CAB39: variants seen among roughly 807,000 people sequenced by gnomAD.
CAB39 encodes the protein calcium binding protein 39.
In CAB39, 8 loss-of-function variants were observed where a neutral mutation model predicts 40.0. The ratio of observed to expected loss-of-function variants is 0.20; its 90% CI spans 0.12 to 0.36. The LOEUF (loss-of-function observed/expected upper bound fraction) is 0.36. Among genes scored for constraint, CAB39 ranks in the 10% least tolerant of loss-of-function variants. The probability of loss-of-function intolerance (pLI) is 1.00; values close to 1 mark genes in which losing one functional copy is unlikely to be tolerated. For missense variants in CAB39, 270 were observed against 401.1 expected, an observed-to-expected ratio of 0.67 and a Z score of 2.79; for synonymous variants, 156 against 141.6, an observed-to-expected ratio of 1.10 and a Z score of -0.72.
chr2:230,798,134 G>T (rs1053183490), intron 4 of CAB39, among the ~76,000 whole-genome samples: 4 of 152,108 alleles, frequency 2.6e-5, no homozygotes, highest in Non-Finnish European at 5.9e-5. Flanking sequence ...TGATGAGGGG[G>T]GTCTGCCTGC....
At chr2:230,734,725 A>G (rs1268892214) in intron 1 of CAB39, among the ~76,000 whole-genome samples, 2 of 152,130 alleles carry the variant, frequency 1.3e-5, no homozygotes, top group African/African-American at 4.8e-5. Context: ...GCCCTGCTTT[A>G]GGGCTTTTGG....
chr2:230,818,549 A>G lies in CAB39; in HGVS notation c.871A>G (p.Ile291Val). The G allele has an allele frequency of 6.2e-7, 1 of 1,614,170 alleles. No homozygotes were observed. The highest frequency in any genetic ancestry group is 8.5e-7 in the Non-Finnish European group (1 of 1,180,036). Residue 291 changes from isoleucine (I) to valine (V), a missense_variant, in exon 9 of 9, where the codon ATC (isoleucine) becomes GTC (valine). Ile to Val is a conservative substitution (Grantham distance 29). Transcript: ENST00000258418. ...AGCCAATCCTAACAAGACGCAGCCCATCCTAGACATCCTCCTCAAGAACCA... is the reference window on the plus strand; with the variant it reads ...AGCCAATCCTAACAAGACGCAGCCCGTCCTAGACATCCTCCTCAAGAACCA... ...FVANPNKTQP[I>V]LDILLKNQAK... is the part of the protein sequence containing the mutation.
At chr2:230,801,152 G>T (rs1039519551) in intron 5 of CAB39, among the ~76,000 whole-genome samples, 1 of 152,106 alleles carries the variant, frequency 6.6e-6, no homozygotes, top group Non-Finnish European at 1.5e-5. Context: ...CCCAAAAGAG[G>T]GTTCTCCAAG....
At chr2:230,809,099 T>C (rs1316263120) in intron 5 of CAB39, among the ~76,000 whole-genome samples, 1 of 152,146 alleles carries the variant, frequency 6.6e-6, no homozygotes, top group Non-Finnish European at 1.5e-5. Flanking sequence ...AGACGAACAG[T>C]AGGTAACCAC....
chr2:230,733,419 G>A (rs577651303), intron 1 of CAB39, among the ~76,000 whole-genome samples: 86 of 152,222 alleles, frequency 5.6e-4, no homozygotes, highest in African/African-American at 2.0e-3. Context: ...TGGAGCTGTA[G>A]CATTCCTTCC....
chr2:230,808,963 A>G (rs2124978857), intron 5 of CAB39, among the ~76,000 whole-genome samples: 1 of 152,344 alleles, frequency 6.6e-6, no homozygotes, highest in South Asian at 2.1e-4. Context: ...CGATCCTGGT[A>G]TTTATGGAAC....
At chr2:230,789,023 T>C (rs1167086043) in intron 2 of CAB39, among the ~76,000 whole-genome samples, 1 of 152,230 alleles carries the variant, frequency 6.6e-6, no homozygotes. Context: ...GTTACACATC[T>C]GTGAGGTTGC....
chr2:230,734,701 A>T (rs1314502447), intron 1 of CAB39, among the ~76,000 whole-genome samples: 1 of 152,024 alleles, frequency 6.6e-6, no homozygotes, highest in African/African-American at 2.4e-5. Context: ...TCCTCATGTT[A>T]GTCTTAAATG....
intron 1 of CAB39, among the ~76,000 whole-genome samples, chr2:230,729,489 G>T (rs973291729): frequency 6.6e-6 from 1 of 152,102 alleles, no homozygotes; most frequent in Admixed American, 6.5e-5. Flanking sequence ...GGTGGCTCAC[G>T]CCTGGAATCC....
rs1450603372 is a variant in CAB39, at chr2:230,819,710, G to T, written c.*1006G>T. ...TCCTTTGTATTCAGTTACCTAATGG[G>T]GTGCCATCAATAAGCTGCGATACAG... On this transcript the variant is annotated 3_prime_UTR_variant, in exon 9 of 9. Coordinates refer to ENST00000258418, the MANE Select transcript of CAB39 (RefSeq NM_016289.4). 1 of 152,182 alleles carries T rather than the reference G, an allele frequency of 6.6e-6. No individual in the cohort carries two copies. The highest frequency in any genetic ancestry group is 1.9e-4 in the East Asian group (1 of 5,202). 9.4% of individuals were successfully genotyped at this position (152,182 alleles called of 1,614,324 possible).
chr2:230,731,284 A>G (rs1694683939), intron 1 of CAB39, among the ~76,000 whole-genome samples: 1 of 152,248 alleles, frequency 6.6e-6, no homozygotes, highest in Non-Finnish European at 1.5e-5. Flanking sequence ...TGCATAAGGC[A>G]AGACGATCTC....
At chr2:230,785,762 A>G (rs2124950519) in intron 2 of CAB39, among the ~76,000 whole-genome samples, 1 of 151,978 alleles carries the variant, frequency 6.6e-6, no homozygotes, top group South Asian at 2.1e-4. Flanking sequence ...TGGTGCAATC[A>G]TAGCTCACTG....
At chr2:230,777,528 T>C (rs1695616083) in intron 2 of CAB39, among the ~76,000 whole-genome samples, 1 of 152,030 alleles carries the variant, frequency 6.6e-6, no homozygotes, top group Non-Finnish European at 1.5e-5. Flanking sequence ...CAAGCAATTC[T>C]TGTGCCTCAG....
chr2:230,817,444 C>T (rs1385366970), intron 7 of CAB39, among the ~76,000 whole-genome samples: 1 of 152,158 alleles, frequency 6.6e-6, no homozygotes, highest in Non-Finnish European at 1.5e-5. Context: ...AGTGAGCTAA[C>T]ACAAATGCAC....
At chr2:230,773,590 C>T (rs1695531372) in intron 2 of CAB39, among the ~76,000 whole-genome samples, 1 of 151,854 alleles carries the variant, frequency 6.6e-6, no homozygotes, top group Non-Finnish European at 1.5e-5. Context: ...TGCAGTGTGC[C>T]AAGAGAGGAG....
chr2:230,793,859 A>G (rs1209464076), intron 4 of CAB39, among the ~76,000 whole-genome samples: 1 of 152,210 alleles, frequency 6.6e-6, no homozygotes, highest in Non-Finnish European at 1.5e-5. Flanking sequence ...GGTAATTCAC[A>G]GTGCATCTTC....
intron 2 of CAB39, among the ~76,000 whole-genome samples, chr2:230,770,935 A>C (rs182706315): frequency 8.5e-5 from 13 of 152,326 alleles, no homozygotes; most frequent in Non-Finnish European, 1.6e-4. Flanking sequence ...AGCTAGCATT[A>C]TACATATGGT....
intron 2 of CAB39, among the ~76,000 whole-genome samples, chr2:230,773,314 A>ATATATATGTGTG (rs371297550): frequency 2.7e-4 from 36 of 132,682 alleles, no homozygotes; most frequent in African/African-American, 9.9e-4. Flanking sequence ...ATATATATAT[A>ATATATATGTGTG]TGTGTGTGTG....
At chr2:230,717,560 G>A (rs75801253) in intron 1 of CAB39, among the ~76,000 whole-genome samples, 5,936 of 152,226 alleles carry the variant, frequency 0.039, 401 homozygotes, top group African/African-American at 0.13. Flanking sequence ...AAATACTTCT[G>A]CCGTCACCAT....
Sources: gnomAD v4.1 joint callset for allele counts (sites outside exome capture counted in the v4.1 genomes callset) on GRCh38, gnomAD v4.1.1 for gene constraint, MANE v1.5 for transcripts, NCBI Gene and HGNC (gene_info 2026-07-23, HGNC 2026-07-21) for gene names.